RHOH: variants seen among roughly 807,000 people sequenced by gnomAD.
The protein encoded by RHOH is rho-related GTP-binding protein RhoH.
RHOH carries 6 observed loss-of-function variants against 13.8 expected under a neutral mutation model. The observed-to-expected ratio is 0.44, with a 90% confidence interval of 0.24 to 0.86. The LOEUF is 0.86. Among genes scored for constraint, RHOH ranks in the 40% least tolerant of loss-of-function variants. The pLI is 0.24. For missense variants in RHOH, 147 were observed against 244.5 expected (o/e 0.60, Z 2.66); for synonymous variants, 117 against 103.0 (o/e 1.14, Z -0.82).
Position 40,244,076 on chromosome 4 carries a change from G to A in RHOH, c.*114G>A, listed in dbSNP as rs189339457. ...TTTCTCTGGGTACACCCCAAGCAGC[G>A]TCTCCTTTTGGATACAGTTATTGAT... On this transcript the variant is annotated 3_prime_UTR_variant, in exon 3 of 3. Transcript: ENST00000381799. The A allele has an allele frequency of 4.5e-5, 36 of 804,472 alleles. No individual in the cohort carries two copies. The highest frequency in any genetic ancestry group is 3.5e-4 in the East Asian group (13 of 37,218). The allele number at this position is 804,472 out of a possible 1,614,324, so 49.8% of individuals were successfully genotyped here.
chr4:40,213,833 C>T (rs1477275671), intron 1 of RHOH, among the ~76,000 whole-genome samples: 1 of 152,182 alleles, frequency 6.6e-6, no homozygotes, highest in Non-Finnish European at 1.5e-5. Context: ...TCCCCAGTCA[C>T]TGCAACTTCC....
In RHOH at chr4:40,211,526, G is replaced by T. The variant is rs549274297; in HGVS notation, c.-331+14226G>T. Among the ~76,000 whole-genome samples, 5 of 152,140 alleles carry T rather than the reference G, an allele frequency of 3.3e-5. No individual in the cohort carries two copies. In the South Asian group the frequency reaches 1.0e-3, roughly 32 times the overall value. On this transcript the variant is annotated intron_variant, in intron 1 of 2. Coordinates refer to ENST00000381799, the MANE Select transcript of RHOH (RefSeq NM_004310.5). ...CGGCCTCAAGTGATCCGCCTGCCTC[G>T]GCCTCCCAAAGTGTAATGTTGATTA...
chr4:40,208,745 A>G (rs751519737), intron 1 of RHOH, among the ~76,000 whole-genome samples: 76 of 152,172 alleles, frequency 5.0e-4, no homozygotes, highest in Non-Finnish European at 1.1e-3. Flanking sequence ...TAAAAGCAAG[A>G]CTTCTCAACA....
upstream of RHOH, among the ~76,000 whole-genome samples, chr4:40,195,578 G>A (rs943642753): frequency 2.6e-5 from 4 of 151,752 alleles, no homozygotes; most frequent in Admixed American, 6.6e-5. Context: ...CTCCTGCCTC[G>A]GACTCCTGAG....
upstream of RHOH, among the ~76,000 whole-genome samples, chr4:40,196,205 A>G (rs1723117307): frequency 6.6e-6 from 1 of 152,254 alleles, no homozygotes; most frequent in Non-Finnish European, 1.5e-5. Flanking sequence ...AGTTGACTTT[A>G]TCCTTACGGT....
chr4:40,194,632 T>C (rs1722937571), upstream of RHOH, among the ~76,000 whole-genome samples: 1 of 152,206 alleles, frequency 6.6e-6, no homozygotes, highest in African/African-American at 2.4e-5. Flanking sequence ...TGCCTCGGCC[T>C]CCCAAAGTGT....
rs1247733362 is a variant in RHOH at position 40,245,182 on chromosome 4, G to A, written c.*1220G>A. On this transcript the variant is annotated 3_prime_UTR_variant, in exon 3 of 3. Coordinates refer to ENST00000381799, the MANE Select transcript of RHOH (RefSeq NM_004310.5). ...CACACAACTCAAACCTCATTCTATC[G>A]AATAGTTTAAAAGCAATGGTGTTGC... is the stretch of plus-strand genomic sequence containing the variant. 6.6e-6 allele frequency: 1 copy of A among 152,064 alleles called. No homozygotes were observed. The highest frequency in any genetic ancestry group is 1.5e-5 in the Non-Finnish European group (1 of 68,018). 9.4% of individuals were successfully genotyped at this position (152,064 alleles called of 1,614,324 possible).
chr4:40,199,733 A>G (rs1723715178), intron 1 of RHOH, among the ~76,000 whole-genome samples: 1 of 152,218 alleles, frequency 6.6e-6, no homozygotes. Flanking sequence ...CTAGCAAGGC[A>G]CAGCTAAAAT....
At chr4:40,212,634 T>C (rs560196319) in intron 1 of RHOH, 1 of 152,372 alleles carries the variant, frequency 6.6e-6, no homozygotes, top group East Asian at 1.9e-4. Context: ...GTAAACATGC[T>C]AATGGTAAAA....
upstream of RHOH, among the ~76,000 whole-genome samples, chr4:40,195,810 T>A (rs1723080598): frequency 6.6e-6 from 1 of 152,234 alleles, no homozygotes; most frequent in South Asian, 2.1e-4. Flanking sequence ...GGATCTCAGC[T>A]GGCAGATTGA....
intron 1 of RHOH, among the ~76,000 whole-genome samples, chr4:40,229,722 A>G (rs1727681509): frequency 6.6e-6 from 1 of 152,026 alleles, no homozygotes; most frequent in African/African-American, 2.4e-5. Flanking sequence ...TACACCAAAG[A>G]GGAGAGAATA....
At chr4:40,229,647 A>G (rs1359288912) in intron 1 of RHOH, among the ~76,000 whole-genome samples, 2 of 151,800 alleles carry the variant, frequency 1.3e-5, no homozygotes, top group Non-Finnish European at 2.9e-5. Flanking sequence ...AAAAAAAAAA[A>G]AAAAGAAAGA....
In RHOH at chr4:40,235,364, T is replaced by C. The variant is rs7699141; in HGVS notation, c.-330-7350T>C. 0.65 allele frequency: 98,025 copies of C among 150,274 alleles called. 32,569 individuals carry two copies. Among genetic ancestry groups the C allele is most frequent in the Non-Finnish European group, 0.71 (47,790 of 67,684 alleles). The allele number at this position is 150,274 out of a possible 1,614,324, so 9.3% of individuals were successfully genotyped here. A position where few individuals can be genotyped will look rare whatever the true frequency, so the allele number is the denominator to read the frequency against. ...CAGCACTTTGGGAGGCCAAGGTGGG[T>C]GGATCACCTGAGGTCAGGAGTTTGA... is the stretch of plus-strand genomic sequence containing the variant. On this transcript the variant is annotated intron_variant, in intron 1 of 2. Coordinates refer to ENST00000381799, the MANE Select transcript of RHOH (RefSeq NM_004310.5).
intron 1 of RHOH, among the ~76,000 whole-genome samples, chr4:40,219,910 T>C (rs926061110): frequency 1.3e-5 from 2 of 152,168 alleles, no homozygotes; most frequent in Admixed American, 6.5e-5. Flanking sequence ...GTAATTATTA[T>C]ATGCATTCGT....
chr4:40,201,300 T>G (rs1428608905), intron 1 of RHOH, among the ~76,000 whole-genome samples: 8 of 151,644 alleles, frequency 5.3e-5, no homozygotes, highest in Admixed American at 5.3e-4. Context: ...TTGCATCATC[T>G]ATGGACCTAA....
chr4:40,219,059 A>T (rs1726216830), intron 1 of RHOH, among the ~76,000 whole-genome samples: 1 of 152,244 alleles, frequency 6.6e-6, no homozygotes, highest in Non-Finnish European at 1.5e-5. Flanking sequence ...TTTACAATCT[A>T]TTACTAAGTG....
intron 1 of RHOH, among the ~76,000 whole-genome samples, chr4:40,241,201 G>C (rs1729206528): frequency 6.6e-6 from 1 of 152,180 alleles, no homozygotes; most frequent in African/African-American, 2.4e-5. Flanking sequence ...CACGGTGTGT[G>C]ACAGTAACCT....
chr4:40,232,651 G>T (rs1212171991), intron 1 of RHOH, among the ~76,000 whole-genome samples: 1 of 152,138 alleles, frequency 6.6e-6, no homozygotes, highest in Non-Finnish European at 1.5e-5. Flanking sequence ...TGTGGCTGCT[G>T]ATGAGCAGAA....
intron 1 of RHOH, among the ~76,000 whole-genome samples, chr4:40,219,537 G>A (rs7680261): frequency 6.6e-6 from 1 of 152,076 alleles, no homozygotes; most frequent in South Asian, 2.1e-4. Context: ...TGATGGTTGC[G>A]TCTGGGAAAA....
Sources: gnomAD v4.1 joint callset for allele counts (sites outside exome capture counted in the v4.1 genomes callset) on GRCh38, gnomAD v4.1.1 for gene constraint, MANE v1.5 for transcripts, NCBI Gene and HGNC (gene_info 2026-07-23, HGNC 2026-07-21) for gene names.